The following FHIT variants were observed in gnomAD, a reference collection of about 807,000 sequenced individuals.
FHIT encodes the protein bis(5'-adenosyl)-triphosphatase.
In FHIT, 19 loss-of-function variants were observed where a neutral mutation model predicts 17.9. The observed-to-expected ratio is 1.06, with a 90% confidence interval of 0.74 to 1.56. FHIT has a LOEUF of 1.56. FHIT is among the 40% of genes most tolerant of loss of function. FHIT has a pLI of 0.00. For missense variants in FHIT, 248 were observed against 189.2 expected (o/e 1.31, Z -1.82); for synonymous variants, 81 against 69.7 (o/e 1.16, Z -0.81).
intron 4 of FHIT, among the ~76,000 whole-genome samples, chr3:60,549,154 T>C (rs241681): frequency 0.35 from 52,954 of 151,988 alleles, 9,515 homozygotes; most frequent in East Asian, 0.49. Context: ...CATAAGCTAA[T>C]ATTGTTAAGT....
intron 5 of FHIT, among the ~76,000 whole-genome samples, chr3:60,446,269 G>A (rs147858264): frequency 6.6e-6 from 1 of 152,126 alleles, no homozygotes; most frequent in African/African-American, 2.4e-5. Flanking sequence ...TGATGTGTCT[G>A]AGGATTTTAA....
chr3:60,786,444 T>C (rs1553726989), intron 4 of FHIT, among the ~76,000 whole-genome samples: 5 of 152,204 alleles, frequency 3.3e-5, no homozygotes, highest in Non-Finnish European at 7.3e-5. Context: ...TGCTTAAGAA[T>C]GGAGATGGTT....
chr3:60,361,720 C>T (rs1217576846), intron 5 of FHIT, among the ~76,000 whole-genome samples: 1 of 152,120 alleles, frequency 6.6e-6, no homozygotes, highest in South Asian at 2.1e-4. Flanking sequence ...AGATTTTACC[C>T]CTCAATGACA....
chr3:60,957,071 T>G (rs1553779144), intron 3 of FHIT, among the ~76,000 whole-genome samples: 1 of 151,854 alleles, frequency 6.6e-6, no homozygotes, highest in East Asian at 1.9e-4. Context: ...CAGCTAAACT[T>G]CTAAAAATAT....
chr3:60,927,412 T>C (rs1707685711), intron 3 of FHIT, among the ~76,000 whole-genome samples: 1 of 152,078 alleles, frequency 6.6e-6, no homozygotes, highest in East Asian at 1.9e-4. Flanking sequence ...CCACCCTGTC[T>C]AGGAAGTGAG....
chr3:60,199,797 G>C (rs893434037), intron 5 of FHIT, among the ~76,000 whole-genome samples: 2 of 152,050 alleles, frequency 1.3e-5, no homozygotes, highest in Non-Finnish European at 2.9e-5. Context: ...TGAGAACTCT[G>C]AGTAGGTAAC....
intron 5 of FHIT, among the ~76,000 whole-genome samples, chr3:60,101,248 T>C (rs879370778): frequency 1.3e-5 from 2 of 152,252 alleles, no homozygotes; most frequent in Non-Finnish European, 2.9e-5. Context: ...GCACATTACC[T>C]GGCCTGCAAG....
At chr3:60,717,134 G>C (rs1333897511) in intron 4 of FHIT, among the ~76,000 whole-genome samples, 1 of 152,128 alleles carries the variant, frequency 6.6e-6, no homozygotes, top group African/African-American at 2.4e-5. Flanking sequence ...GGTTGCCAGG[G>C]GCTGTGGTGT....
At chr3:60,378,931 T>C (rs1177091570) in intron 5 of FHIT, among the ~76,000 whole-genome samples, 2 of 152,198 alleles carry the variant, frequency 1.3e-5, no homozygotes, top group South Asian at 2.1e-4. Context: ...GAGGAGAATA[T>C]AGCCCGTTGC....
At chr3:59,792,174 T>C (rs1249526309) in intron 8 of FHIT, among the ~76,000 whole-genome samples, 2 of 152,202 alleles carry the variant, frequency 1.3e-5, no homozygotes, top group Non-Finnish European at 2.9e-5. Flanking sequence ...TAGAGCTTTG[T>C]TTCTCCTTTG....
At chr3:60,298,624 T>C (rs1472024262) in intron 5 of FHIT, among the ~76,000 whole-genome samples, 3 of 152,224 alleles carry the variant, frequency 2.0e-5, no homozygotes, top group Admixed American at 1.3e-4. Flanking sequence ...TCTTTATCAA[T>C]TTGAAAACAT....
At chr3:59,841,764 C>G (rs1701542067) in intron 8 of FHIT, among the ~76,000 whole-genome samples, 1 of 152,108 alleles carries the variant, frequency 6.6e-6, no homozygotes, top group Non-Finnish European at 1.5e-5. Context: ...TTTTAATAAA[C>G]AGAAACCAGC....
intron 3 of FHIT, among the ~76,000 whole-genome samples, chr3:60,936,103 G>A (rs1322864549): frequency 6.6e-6 from 1 of 152,120 alleles, no homozygotes; most frequent in Non-Finnish European, 1.5e-5. Flanking sequence ...TTAATAGTCA[G>A]GGTCCCTTGT....
intron 5 of FHIT, among the ~76,000 whole-genome samples, chr3:60,113,727 C>T (rs11708236): frequency 0.098 from 14,801 of 150,986 alleles, 1,450 homozygotes; most frequent in East Asian, 0.44. Flanking sequence ...TTGGGCCGGG[C>T]GCGGTGGCTC....
At chr3:60,161,542 G>C (rs1352919975) in intron 5 of FHIT, among the ~76,000 whole-genome samples, 2 of 152,096 alleles carry the variant, frequency 1.3e-5, no homozygotes, top group African/African-American at 4.8e-5. Flanking sequence ...CAAGAAAGAA[G>C]ACACTTTCAA....
chr3:59,878,547 G>T (rs1483256588), intron 8 of FHIT, among the ~76,000 whole-genome samples: 2 of 152,142 alleles, frequency 1.3e-5, no homozygotes, highest in Admixed American at 1.3e-4. Context: ...ACCCCAAAGT[G>T]GGATTCTTTC....
intron 8 of FHIT, among the ~76,000 whole-genome samples, chr3:59,898,144 G>A (rs976535886): frequency 1.3e-5 from 2 of 152,154 alleles, no homozygotes; most frequent in East Asian, 3.9e-4. Context: ...ATGGGTCACA[G>A]TAAAAATGCA....
At chr3:60,762,105 G>A (rs988876176) in intron 4 of FHIT, among the ~76,000 whole-genome samples, 1 of 152,144 alleles carries the variant, frequency 6.6e-6, no homozygotes, top group Non-Finnish European at 1.5e-5. Context: ...GAGCAATTTG[G>A]TGGGATGTAA....
chr3:59,916,108 A>G (rs1705123139), intron 8 of FHIT, among the ~76,000 whole-genome samples: 1 of 152,176 alleles, frequency 6.6e-6, no homozygotes, highest in Admixed American at 6.5e-5. Context: ...TGGGAGAGGC[A>G]GACCCACCCT....
Sources: gnomAD v4.1 joint callset for allele counts (sites outside exome capture counted in the v4.1 genomes callset) on GRCh38, gnomAD v4.1.1 for gene constraint, MANE v1.5 for transcripts, NCBI Gene and HGNC (gene_info 2026-07-23, HGNC 2026-07-21) for gene names.